Variants in PHACTR1 observed in about 807,000 individuals in gnomAD.
PHACTR1 encodes the protein phosphatase and actin regulator 1, also known as RPEL repeat containing 1.
A neutral mutation model predicts 69.2 loss-of-function variants in PHACTR1; 16 were observed. The ratio of observed to expected loss-of-function variants is 0.23; its 90% confidence interval spans 0.16 to 0.35. The LOEUF (loss-of-function observed/expected upper bound fraction) is 0.35. Among genes scored for constraint, PHACTR1 ranks in the 10% least tolerant of loss-of-function variants. The pLI is 1.00. For missense variants in PHACTR1, 510 were observed against 734.7 expected (o/e 0.69, Z 3.54); for synonymous variants, 312 against 284.5 (o/e 1.10, Z -0.97).
intron 10 of PHACTR1, among the ~76,000 whole-genome samples, chr6:13,260,057 G>T (rs900795344): frequency 6.6e-6 from 1 of 152,118 alleles, no homozygotes; most frequent in Non-Finnish European, 1.5e-5. Context: ...ACAACTCCAG[G>T]GGCGAGAGAT....
At chr6:12,830,232 TA>T (rs34164120) in intron 4 of PHACTR1, among the ~76,000 whole-genome samples, 4 of 151,670 alleles carry the variant, frequency 2.6e-5, no homozygotes, top group African/African-American at 9.7e-5. Context: ...GAAAATGAAC[TA>T]AAAACTCCAG....
At chr6:12,865,457 G>GGTGTGTGTGTGT (rs34729979) in intron 4 of PHACTR1, among the ~76,000 whole-genome samples, 1 of 149,948 alleles carries the variant, frequency 6.7e-6, no homozygotes, top group Non-Finnish European at 1.5e-5. Flanking sequence ...TTGTTTAATG[G>GGTGTGTGTGTGT]GTGTGTGTGT....
At chr6:13,067,373 G>A (rs1438426668) in intron 5 of PHACTR1, among the ~76,000 whole-genome samples, 3 of 152,176 alleles carry the variant, frequency 2.0e-5, no homozygotes, top group African/African-American at 7.2e-5. Flanking sequence ...GGTGGAAATC[G>A]ATAATTCAGA....
chr6:12,970,680 C>T (rs959395127), intron 4 of PHACTR1, among the ~76,000 whole-genome samples: 4 of 152,158 alleles, frequency 2.6e-5, no homozygotes, highest in Admixed American at 2.0e-4. Context: ...CGTTTGAACG[C>T]GGGCAGCAGA....
intron 8 of PHACTR1, among the ~76,000 whole-genome samples, chr6:13,211,072 T>C (rs1298410941): frequency 6.6e-6 from 1 of 152,180 alleles, no homozygotes; most frequent in Non-Finnish European, 1.5e-5. Context: ...AGAGTTGAAT[T>C]CATGATTATT....
intron 4 of PHACTR1, among the ~76,000 whole-genome samples, chr6:12,817,231 AG>A (rs1024429205): frequency 1.2e-4 from 18 of 152,210 alleles, no homozygotes; most frequent in African/African-American, 4.3e-4. Flanking sequence ...ACTTTAACCA[AG>A]GAAAGTGATA....
intron 4 of PHACTR1, among the ~76,000 whole-genome samples, chr6:12,972,865 G>T (rs1794403316): frequency 6.6e-6 from 1 of 152,052 alleles, no homozygotes; most frequent in South Asian, 2.1e-4. Flanking sequence ...TGATCAGGCT[G>T]GTCTCGAACT....
chr6:12,768,347 C>A (rs974123738), intron 4 of PHACTR1, among the ~76,000 whole-genome samples: 1 of 152,096 alleles, frequency 6.6e-6, no homozygotes, highest in Admixed American at 6.5e-5. Flanking sequence ...ATCTCCTGAC[C>A]TCGTGATCCG....
intron 12 of PHACTR1, chr6:13,281,322 G>C (rs1011112471): frequency 5.4e-5 from 19 of 349,458 alleles, no homozygotes; most frequent in African/African-American, 3.9e-4. Flanking sequence ...GGGAGGCTGA[G>C]AACGGCGGAT....
At chr6:13,182,457 T>C in intron 6 of PHACTR1, 62 bp from the exon 7 acceptor site, 1 of 1,560,448 alleles carries the variant, frequency 6.4e-7, no homozygotes. Context: ...AGGCGGGAAG[T>C]GCCACTCTTT....
intron 4 of PHACTR1, among the ~76,000 whole-genome samples, chr6:12,872,709 C>T (rs1453175428): frequency 6.6e-6 from 1 of 152,086 alleles, no homozygotes; most frequent in African/African-American, 2.4e-5. Flanking sequence ...TCAAATGCCC[C>T]CCGAAGTTTC....
chr6:12,851,938 G>A (rs1297573778), intron 4 of PHACTR1, among the ~76,000 whole-genome samples: 1 of 152,000 alleles, frequency 6.6e-6, no homozygotes, highest in Admixed American at 6.6e-5. Context: ...GGGTTCAAGC[G>A]ATTCTCCTAC....
At chr6:12,898,472 G>T (rs1230518752) in intron 4 of PHACTR1, among the ~76,000 whole-genome samples, 2 of 152,138 alleles carry the variant, frequency 1.3e-5, no homozygotes, top group African/African-American at 4.8e-5. Flanking sequence ...CAGCAGCAAT[G>T]CCAAGAGCCT....
At position 13,278,314 on chromosome 6, in the gene PHACTR1, G is replaced by C. The variant is rs970441347; in HGVS notation, c.1494G>C (p.Arg498Ser). Residue 498 changes from arginine (R) to serine (S), a missense_variant, in exon 12 of 15, where the codon AGG (arginine) becomes AGC (serine). This residue lies in a region of PHACTR1 where 91 missense variants were observed against 203.8 expected (regional missense o/e 0.45). Coordinates refer to ENST00000332995, the MANE Select transcript of PHACTR1 (RefSeq NM_030948.6). ...AGGAGGAGAAGAGAGAGATCAAGAG[G>C]AGGCTAACCCGAAAGGTAGGTGGTT... ...EEQEEKREIK[R>S]RLTRKLSQRP... is the part of the protein sequence containing the mutation. 1 of 1,599,908 alleles carries C rather than the reference G, an allele frequency of 6.3e-7. No individual in the cohort carries two copies. The highest frequency in any genetic ancestry group is 8.5e-7 in the Non-Finnish European group (1 of 1,173,144).
intron 6 of PHACTR1, among the ~76,000 whole-genome samples, chr6:13,160,542 G>T (rs1758838270): frequency 1.3e-5 from 2 of 152,168 alleles, no homozygotes; most frequent in African/African-American, 4.8e-5. Context: ...AAATGATGTG[G>T]CCCCGGGAAT....
Position 12,890,211 on chromosome 6 carries a change from A to G in PHACTR1, c.250+140421A>G, listed in dbSNP as rs936962588. Among the ~76,000 whole-genome samples the G allele has an allele frequency of 2.0e-5, 3 of 152,204 alleles. No homozygotes were observed. The East Asian group carries it at 5.8e-4, about 29-fold the overall frequency. ...ATGAGAATTTGACTAATGCCTGATG[A>G]TCTGAGGTGGAGCAGTTTCATGCCG... On this transcript the variant is annotated intron_variant, in intron 4 of 14. Transcript: ENST00000332995.
chr6:13,110,376 A>T (rs1177880601), intron 5 of PHACTR1, among the ~76,000 whole-genome samples: 2 of 152,152 alleles, frequency 1.3e-5, no homozygotes, highest in Non-Finnish European at 2.9e-5. Flanking sequence ...GCATTCTGGG[A>T]TCTGTGCACA....
At chr6:12,805,669 C>T (rs1210799531) in intron 4 of PHACTR1, among the ~76,000 whole-genome samples, 2 of 151,194 alleles carry the variant, frequency 1.3e-5, no homozygotes, top group Admixed American at 6.6e-5. Flanking sequence ...GGCAAGATCT[C>T]GGCTCACTGC....
intron 5 of PHACTR1, among the ~76,000 whole-genome samples, chr6:13,148,802 T>C (rs757989933): frequency 5.9e-5 from 9 of 152,238 alleles, no homozygotes; most frequent in Non-Finnish European, 1.3e-4. Flanking sequence ...GGAGATACTC[T>C]GTAGTACTGG....
Sources: allele counts gnomAD v4.1 joint callset (sites outside exome capture counted in the v4.1 genomes callset), GRCh38; gene constraint gnomAD v4.1.1; regional missense constraint gnomAD v4.1.1; transcripts MANE v1.5; gene names NCBI Gene and HGNC (gene_info 2026-07-23, HGNC 2026-07-21).